The following FCHSD2 variants were observed in gnomAD, a reference collection of about 807,000 sequenced individuals.
FCHSD2 encodes the protein F-BAR and double SH3 domains protein 2.
FCHSD2 carries 38 observed loss-of-function variants against 108.1 expected under a neutral mutation model. That is an observed-to-expected ratio of 0.35 (90% CI 0.27 to 0.46). FCHSD2 has a LOEUF of 0.46. FCHSD2 is among the 20% of genes least tolerant of loss of function. The pLI, the probability that FCHSD2 is intolerant of heterozygous loss-of-function variation, is 1.00. For missense variants in FCHSD2, 751 were observed against 897.8 expected, an observed-to-expected ratio of 0.84 and a Z score of 2.09; for synonymous variants, 279 against 314.7, an observed-to-expected ratio of 0.89 and a Z score of 1.20.
chr11:72,862,356 A>G (rs1288955353), intron 13 of FCHSD2, among the ~76,000 whole-genome samples: 1 of 152,232 alleles, frequency 6.6e-6, no homozygotes, highest in African/African-American at 2.4e-5. Flanking sequence ...ATGGATTTAC[A>G]AAAAAGCTAC....
chr11:72,872,063 T>C lies in FCHSD2; in HGVS notation c.1147-4037A>G, dbSNP rs372970893. On this transcript the variant is annotated intron_variant, in intron 12 of 19. Transcript: ENST00000409418. Reference sequence around the variant, plus strand: ...AATTGAGGTAAAACATTACATAAAATTTACTATCTGCACCATTTTAAAGTA... The same window carrying C: ...AATTGAGGTAAAACATTACATAAAACTTACTATCTGCACCATTTTAAAGTA... Among the ~76,000 whole-genome samples the C allele has an allele frequency of 8.5e-5, 13 of 152,142 alleles. No homozygotes were observed. The East Asian group carries it at 2.3e-3, about 27-fold the overall frequency.
chr11:73,053,100 C>T (rs1858939785), intron 3 of FCHSD2, among the ~76,000 whole-genome samples: 1 of 151,450 alleles, frequency 6.6e-6, no homozygotes, highest in African/African-American at 2.4e-5. Flanking sequence ...CCCACCTCAG[C>T]CTCCCAAAGT....
Position 73,124,870 on chromosome 11 carries a change from C to T in FCHSD2, c.119+15161G>A, listed in dbSNP as rs149301323. ...TACAGACACTATACTAGTCACATTA[C>T]ACTCAAACTGTAGGAAACCAAAGAT... On this transcript the variant is annotated intron_variant, in intron 2 of 19. Transcript: ENST00000409418. Among the ~76,000 whole-genome samples, 570 of 152,072 alleles carry T rather than the reference C, an allele frequency of 3.7e-3. 5 individuals are homozygous for T. The highest frequency in any genetic ancestry group is 4.5e-3 in the Non-Finnish European group (309 of 68,000).
chr11:72,842,054 T>G (rs1417399985), intron 17 of FCHSD2, among the ~76,000 whole-genome samples: 1 of 152,234 alleles, frequency 6.6e-6, no homozygotes, highest in Non-Finnish European at 1.5e-5. Context: ...TTCCTCTACC[T>G]GTCTGGCCTG....
At chr11:72,983,852 C>T (rs1437163713) in intron 8 of FCHSD2, 1 of 603,078 alleles carries the variant, frequency 1.7e-6, no homozygotes, top group South Asian at 1.5e-5. Flanking sequence ...GTTTGCCGCA[C>T]CTAGGGAATA....
intron 9 of FCHSD2, among the ~76,000 whole-genome samples, chr11:72,914,963 AT>A (rs144998272): frequency 6.6e-5 from 8 of 120,462 alleles, no homozygotes; most frequent in African/African-American, 1.9e-4. Context: ...CAGAATGGGA[AT>A]TTTTTTTTTT....
intron 8 of FCHSD2, among the ~76,000 whole-genome samples, chr11:72,977,299 G>A (rs1857122285): frequency 6.6e-6 from 1 of 152,102 alleles, no homozygotes; most frequent in South Asian, 2.1e-4. Context: ...GTAATACCCT[G>A]TAAGCACAGG....
At chr11:73,122,460 A>T (rs182971398) in intron 2 of FCHSD2, among the ~76,000 whole-genome samples, 1 of 152,220 alleles carries the variant, frequency 6.6e-6, no homozygotes, top group Non-Finnish European at 1.5e-5. Context: ...CACAAAGGTA[A>T]CACCACTTAA....
At chr11:73,000,162 T>A (rs2135416844) in intron 5 of FCHSD2, among the ~76,000 whole-genome samples, 1 of 152,284 alleles carries the variant, frequency 6.6e-6, no homozygotes, top group East Asian at 1.9e-4. Context: ...GGGAAAGGTG[T>A]TTGTAAAAAT....
rs545237433 is a variant in FCHSD2 at position 73,107,152 on chromosome 11, C to G, written c.120-23412G>C. On this transcript the variant is annotated intron_variant, in intron 2 of 19. Coordinates refer to ENST00000409418, the MANE Select transcript of FCHSD2 (RefSeq NM_014824.3). ...CCTGGGTTTCTTGATTCTCAAGACTCTCCGCAATTCTTGAGCCTCAGCCTT... is the reference window on the plus strand; with the variant it reads ...CCTGGGTTTCTTGATTCTCAAGACTGTCCGCAATTCTTGAGCCTCAGCCTT... Among the ~76,000 whole-genome samples, 6 of 152,218 alleles carry G rather than the reference C, an allele frequency of 3.9e-5. No homozygotes were observed. The Middle Eastern group carries it at 0.02, about 518-fold the overall frequency.
In FCHSD2 at chr11:72,841,472, G is replaced by C; in HGVS notation, c.2038C>G (p.Arg680Gly). 1.2e-6 allele frequency: 2 copies of C among 1,610,616 alleles called. No homozygotes were observed. The highest frequency in any genetic ancestry group is 1.7e-6 in the Non-Finnish European group (2 of 1,178,518). Residue 680 changes from arginine (R) to glycine (G), a missense_variant, in exon 18 of 20, where the codon CGG becomes GGG. Transcript: ENST00000409418. ...CCCTTACCGTTTGCTGAAGGAGACCGGGGAAAGTACAGGGAGCTCCTCTTA... is the reference window on the plus strand; with the variant it reads ...CCCTTACCGTTTGCTGAAGGAGACCCGGGAAAGTACAGGGAGCTCCTCTTA... ...PDKRSSLYFP[R>G]SPSANEKSLH...
intron 5 of FCHSD2, among the ~76,000 whole-genome samples, chr11:72,993,223 C>T (rs1220420956): frequency 6.6e-6 from 1 of 152,160 alleles, no homozygotes; most frequent in Non-Finnish European, 1.5e-5. Flanking sequence ...CATCTCACAC[C>T]AGTTAGAATG....
At chr11:73,132,280 A>G (rs1306198525) in intron 2 of FCHSD2, among the ~76,000 whole-genome samples, 2 of 152,234 alleles carry the variant, frequency 1.3e-5, no homozygotes, top group African/African-American at 2.4e-5. Flanking sequence ...TCCACTAATA[A>G]CAGTAGCTAC....
intron 14 of FCHSD2, 70 bp from the exon 15 acceptor site, chr11:72,843,602 C>A: frequency 1.0e-6 from 1 of 970,090 alleles, no homozygotes; most frequent in Admixed American, 2.0e-5. Flanking sequence ...CTGATCATGA[C>A]AAAAACTGGG....
intron 2 of FCHSD2, among the ~76,000 whole-genome samples, chr11:73,111,195 T>C (rs547326220): frequency 1.3e-5 from 2 of 152,324 alleles, no homozygotes; most frequent in East Asian, 1.9e-4. Context: ...ATTCGGTCTA[T>C]AGTACAGATT....
chr11:72,925,119 C>T (rs1856051463), intron 8 of FCHSD2, among the ~76,000 whole-genome samples: 1 of 152,104 alleles, frequency 6.6e-6, no homozygotes, highest in African/African-American at 2.4e-5. Context: ...TCTATTATCT[C>T]AGTACAATAT....
chr11:73,078,495 T>C (rs1859606923), intron 3 of FCHSD2, among the ~76,000 whole-genome samples: 2 of 152,150 alleles, frequency 1.3e-5, no homozygotes, highest in Non-Finnish European at 2.9e-5. Context: ...CAATAAAGAA[T>C]GAACTACTAC....
At chr11:73,045,082 A>AG (rs1858727712) in intron 3 of FCHSD2, among the ~76,000 whole-genome samples, 2 of 152,074 alleles carry the variant, frequency 1.3e-5, no homozygotes, top group South Asian at 4.1e-4. Context: ...AAAAAAAAAA[A>AG]AAGAATGGGG....
chr11:73,028,228 C>T (rs1311469046), intron 3 of FCHSD2, among the ~76,000 whole-genome samples: 37 of 152,216 alleles, frequency 2.4e-4, no homozygotes, highest in Admixed American at 2.4e-3. Flanking sequence ...GCTGCAGGTG[C>T]TGTACCCTGC....
Sources: allele counts gnomAD v4.1 joint callset (sites outside exome capture counted in the v4.1 genomes callset), GRCh38; gene constraint gnomAD v4.1.1; transcripts MANE v1.5; gene names NCBI Gene and HGNC (gene_info 2026-07-23, HGNC 2026-07-21).